SYTL2: variants seen among roughly 807,000 people sequenced by gnomAD.
SYTL2 encodes synaptotagmin like 2, also known as synaptotagmin-like protein 2.
A neutral mutation model predicts 198.7 loss-of-function variants in SYTL2; 165 were observed. That is an observed-to-expected ratio of 0.83 (90% CI 0.73 to 0.94). SYTL2 has a LOEUF of 0.94. Among genes scored for constraint, SYTL2 ranks in the 40% least tolerant of loss-of-function variants. The pLI is 0.00. For missense variants in SYTL2, 2,835 were observed against 2,582.8 expected (o/e 1.10, Z -2.12); for synonymous variants, 966 against 917.7 (o/e 1.05, Z -0.95).
the SYTL2 span, among the ~76,000 whole-genome samples, chr11:85,851,186 A>G: frequency 1.1e-4 from 16 of 152,176 alleles, no homozygotes; most frequent in East Asian, 1.3e-3. Flanking sequence ...TAAAAAAAAA[A>G]GAGAATATTT....
At chr11:85,704,025 AT>A (rs2084750754) in intron 16 of SYTL2, among the ~76,000 whole-genome samples, 1 of 152,136 alleles carries the variant, frequency 6.6e-6, no homozygotes, top group Non-Finnish European at 1.5e-5. Flanking sequence ...AACAGGACAA[AT>A]AGTAAGATAC....
chr11:85,698,326 T>C (rs1303286974), intron 17 of SYTL2, among the ~76,000 whole-genome samples: 1 of 152,246 alleles, frequency 6.6e-6, no homozygotes, highest in Admixed American at 6.5e-5. Context: ...TAGCACATCA[T>C]TCATTTGGGG....
intron 1 of SYTL2, among the ~76,000 whole-genome samples, chr11:85,776,491 C>G (rs181278384): frequency 6.6e-6 from 1 of 152,234 alleles, no homozygotes; most frequent in Admixed American, 6.5e-5. Context: ...TGAGTGAGAA[C>G]GTGTGGTGTT....
intron 1 of SYTL2, among the ~76,000 whole-genome samples, chr11:85,759,320 G>A (rs1026639678): frequency 6.6e-6 from 1 of 151,432 alleles, no homozygotes; most frequent in Non-Finnish European, 1.5e-5. Flanking sequence ...GTACATTAGT[G>A]AATAAAATTT....
chr11:85,697,728 T>C (rs1437335524), intron 18 of SYTL2, among the ~76,000 whole-genome samples: 3 of 152,190 alleles, frequency 2.0e-5, no homozygotes, highest in Non-Finnish European at 4.4e-5. Flanking sequence ...CAACAGATGT[T>C]TTCCCTAGAA....
At chr11:85,713,128 T>C (rs1479511425) in intron 12 of SYTL2, among the ~76,000 whole-genome samples, 1 of 152,178 alleles carries the variant, frequency 6.6e-6, no homozygotes, top group Non-Finnish European at 1.5e-5. Flanking sequence ...TAACATGTGC[T>C]CTTAACCATA....
chr11:85,721,019 A>C, intron 8 of SYTL2, 60 bp from the exon 9 acceptor site: 1 of 961,306 alleles, frequency 1.0e-6, no homozygotes, highest in Non-Finnish European at 1.6e-6. Context: ...AAATCCTCTA[A>C]CATATGGACA....
chr11:85,836,638 C>T, the SYTL2 span, among the ~76,000 whole-genome samples: 2 of 151,924 alleles, frequency 1.3e-5, no homozygotes, highest in East Asian at 1.9e-4. Flanking sequence ...GCTCTTGACA[C>T]ATATGATATA....
chr11:85,728,573 C>T (rs943762267), intron 7 of SYTL2, among the ~76,000 whole-genome samples: 10 of 152,172 alleles, frequency 6.6e-5, no homozygotes, highest in Admixed American at 6.5e-4. Context: ...TCATGAGCCA[C>T]CACACCCAGC....
chr11:85,843,808 A>G, the SYTL2 span, among the ~76,000 whole-genome samples: 1 of 152,212 alleles, frequency 6.6e-6, no homozygotes, highest in Non-Finnish European at 1.5e-5. Flanking sequence ...CCTGAGAAGT[A>G]TGCAATATTA....
At chr11:85,744,637 C>T (rs921954525) in intron 4 of SYTL2, among the ~76,000 whole-genome samples, 1 of 152,232 alleles carries the variant, frequency 6.6e-6, no homozygotes, top group African/African-American at 2.4e-5. Flanking sequence ...CCCTCCCTGA[C>T]ACCTATAAAC....
intron 1 of SYTL2, among the ~76,000 whole-genome samples, chr11:85,796,220 T>C (rs1169488017): frequency 6.6e-6 from 1 of 152,184 alleles, no homozygotes; most frequent in Non-Finnish European, 1.5e-5. Context: ...CTTCTCCAAG[T>C]CTAATTTTTC....
At chr11:85,792,393 C>G (rs1222564140) in intron 1 of SYTL2, among the ~76,000 whole-genome samples, 1 of 152,088 alleles carries the variant, frequency 6.6e-6, no homozygotes, top group African/African-American at 2.4e-5. Context: ...GTTCATTTCT[C>G]TCTTAACTTG....
At chr11:85,704,042 T>G (rs1213064718) in intron 16 of SYTL2, among the ~76,000 whole-genome samples, 1 of 152,004 alleles carries the variant, frequency 6.6e-6, no homozygotes, top group Non-Finnish European at 1.5e-5. Context: ...GATACTAGAT[T>G]TGGACCCAAA....
At position 85,727,345 on chromosome 11, in the gene SYTL2, G is replaced by A. The variant is rs2089314823; in HGVS notation, c.2013C>T (p.Tyr671=). The A allele has an allele frequency of 6.5e-7, 1 of 1,536,176 alleles. No individual in the cohort carries two copies. The highest frequency in any genetic ancestry group is 2.4e-5 in the East Asian group (1 of 40,918). ...GASPSNSNYS[Y]SVLKESDAEN... is the part of the protein sequence containing the mutation. ...CTGCATCAGATTCCTTGAGAACACT[G>A]TAGGAATAGTTACTATTTGAAGGAG... The change falls in exon 8 of 20, where the codon TAC becomes TAT. Residue 671 remains tyrosine, a synonymous_variant. Coordinates refer to ENST00000359152, the MANE Select transcript of SYTL2 (RefSeq NM_206927.4).
Position 85,786,990 on chromosome 11 carries a change from T to C in SYTL2, c.-390+23964A>G, listed in dbSNP as rs528380852. The stretch of plus-strand genomic sequence containing the variant: ...AAGCAAATGAATGGATGGATGAACT[T>C]TCTCATCATAGTAGAACCAGATAAG... On this transcript the variant is annotated intron_variant, in intron 1 of 19. Coordinates refer to ENST00000359152, the MANE Select transcript of SYTL2 (RefSeq NM_206927.4). Among the ~76,000 whole-genome samples, 6 of 152,306 alleles carry C rather than the reference T, an allele frequency of 3.9e-5. No individual in the cohort carries two copies. In the East Asian group the frequency reaches 1.2e-3, roughly 29 times the overall value.
chr11:85,825,951 A>G, the SYTL2 span, among the ~76,000 whole-genome samples: 1 of 152,256 alleles, frequency 6.6e-6, no homozygotes, highest in East Asian at 1.9e-4. Flanking sequence ...TCTTAGCAGC[A>G]TAGCAACTGC....
intron 1 of SYTL2, among the ~76,000 whole-genome samples, chr11:85,775,384 T>C (rs1296475782): frequency 1.3e-5 from 2 of 152,200 alleles, no homozygotes; most frequent in African/African-American, 4.8e-5. Context: ...TTGTACAATG[T>C]TGGGGGTTTA....
chr11:85,787,695 C>CCTTTTTTT (rs1566023900), intron 1 of SYTL2, among the ~76,000 whole-genome samples: 40 of 102,632 alleles, frequency 3.9e-4, no homozygotes, highest in South Asian at 8.7e-4. Context: ...GTTTTTTTTT[C>CCTTTTTTT]TTTTCCTTTT....
Sources: gnomAD v4.1 joint callset for allele counts (sites outside exome capture counted in the v4.1 genomes callset) on GRCh38, gnomAD v4.1.1 for gene constraint, MANE v1.5 for transcripts, NCBI Gene and HGNC (gene_info 2026-07-23, HGNC 2026-07-21) for gene names.